Variants in TMOD3 observed in about 807,000 individuals in gnomAD.
TMOD3 encodes tropomodulin-3.
In TMOD3, 20 loss-of-function variants were observed where a neutral mutation model predicts 39.2. The observed-to-expected ratio is 0.51, with a 90% CI of 0.36 to 0.74. The LOEUF (loss-of-function observed/expected upper bound fraction) is 0.74. Ranked by LOEUF, TMOD3 falls within the 30% of genes least tolerant of loss-of-function variation. The pLI is 0.00. For synonymous variants in TMOD3, 143 were observed against 145.8 expected, an observed-to-expected ratio of 0.98 and a Z score of 0.14; for missense variants, 381 against 412.8, an observed-to-expected ratio of 0.92 and a Z score of 0.67.
chr15:51,895,885 G>A (rs2056618295), intron 6 of TMOD3, among the ~76,000 whole-genome samples: 1 of 152,168 alleles, frequency 6.6e-6, no homozygotes, highest in African/African-American at 2.4e-5. Context: ...GAGGAGGGTG[G>A]ATCACCTGAG....
At chr15:51,834,322 A>G (rs1313316782) in intron 1 of TMOD3, among the ~76,000 whole-genome samples, 1 of 152,138 alleles carries the variant, frequency 6.6e-6, no homozygotes, top group Admixed American at 6.5e-5. Flanking sequence ...TATTATGGCT[A>G]GTGTTTTTTG....
rs1466855849 is a variant in TMOD3, at chr15:51,915,346, CAT to C, written c.*6538_*6539del. 5 of 151,916 alleles carry C rather than the reference CAT, an allele frequency of 3.3e-5. No individual in the cohort carries two copies. The highest frequency in any genetic ancestry group is 2.6e-4 in the Admixed American group (4 of 15,258). 9.4% of individuals were successfully genotyped at this position (151,916 alleles called of 1,614,324 possible). A position where few individuals can be genotyped will look rare whatever the true frequency, so the allele number is the denominator to read the frequency against. On this transcript the variant is annotated 3_prime_UTR_variant, in exon 10 of 10. Transcript: ENST00000308580. The stretch of plus-strand genomic sequence containing the variant: ...TTTTCAAATGTATATACACGTATAA[CAT>C]AAAAATTTTTGTAATTTCAAATGTC...
intron 1 of TMOD3, among the ~76,000 whole-genome samples, chr15:51,857,074 C>T (rs1357210213): frequency 1.3e-5 from 2 of 152,098 alleles, no homozygotes; most frequent in Non-Finnish European, 1.5e-5. Flanking sequence ...AGTAGTATAG[C>T]TCTAAGCATC....
intron 3 of TMOD3, among the ~76,000 whole-genome samples, chr15:51,885,752 A>T (rs936568904): frequency 1.3e-5 from 2 of 152,184 alleles, no homozygotes; most frequent in South Asian, 4.1e-4. Context: ...CCCCTTTTGT[A>T]TTCGACAAAA....
intron 3 of TMOD3, 109 bp from the exon 4 acceptor site, chr15:51,887,480 T>G: frequency 8.8e-7 from 1 of 1,142,098 alleles, no homozygotes. Context: ...TTACTGTCGA[T>G]GTTAATCTTT....
chr15:51,859,796 C>T (rs1417513721), intron 1 of TMOD3: 3 of 506,266 alleles, frequency 5.9e-6, no homozygotes, highest in African/African-American at 5.9e-5. Flanking sequence ...AGTTCAGTCC[C>T]AGCTACTGCC....
chr15:51,841,867 T>TGG (rs982640538), intron 1 of TMOD3, among the ~76,000 whole-genome samples: 7 of 152,306 alleles, frequency 4.6e-5, no homozygotes, highest in South Asian at 2.1e-4. Flanking sequence ...CTTCCTGTGT[T>TGG]CAAGCGATTC....
intron 1 of TMOD3, among the ~76,000 whole-genome samples, chr15:51,851,732 T>G (rs2056362923): frequency 6.6e-6 from 1 of 152,194 alleles, no homozygotes. Flanking sequence ...TGAAATTGAC[T>G]TAGAAGTCAT....
chr15:51,889,346 A>G (rs887845290), intron 5 of TMOD3, among the ~76,000 whole-genome samples: 3 of 152,110 alleles, frequency 2.0e-5, no homozygotes, highest in Admixed American at 1.3e-4. Context: ...AGCAAATGTA[A>G]TAAGAACCAC....
At chr15:51,861,313 C>A in intron 1 of TMOD3, 1 of 278,198 alleles carries the variant, frequency 3.6e-6, no homozygotes, top group Admixed American at 3.9e-5. Context: ...CTCTACAACC[C>A]CATGGGAGCT....
rs1451424667 is a variant in TMOD3 at position 51,910,779 on chromosome 15, GT to G, written c.*1973del. ...TGTTTTGGTTTGTTTTGGTTTTTTG[GT>G]TTTGTTTTGTTTTGTTTTTTAAATC... On this transcript the variant is annotated 3_prime_UTR_variant, in exon 10 of 10. Transcript: ENST00000308580. The G allele has an allele frequency of 6.6e-6, 1 of 150,594 alleles. No individual in the cohort carries two copies. Among genetic ancestry groups the G allele is most frequent in the Admixed American group, 6.6e-5 (1 of 15,098 alleles). The allele number at this position is 150,594 out of a possible 1,614,324, so 9.3% of individuals were successfully genotyped here. A position where few individuals can be genotyped will look rare whatever the true frequency, so the allele number is the denominator to read the frequency against.
At chr15:51,884,111 A>C (rs1460267274) in intron 3 of TMOD3, among the ~76,000 whole-genome samples, 2 of 152,206 alleles carry the variant, frequency 1.3e-5, no homozygotes, top group Non-Finnish European at 2.9e-5. Context: ...TGGAAAAAAC[A>C]CTGAAGCCCT....
chr15:51,868,762 A>G (rs1221523391), intron 2 of TMOD3, among the ~76,000 whole-genome samples: 1 of 152,234 alleles, frequency 6.6e-6, no homozygotes, highest in Non-Finnish European at 1.5e-5. Context: ...ATCTGAAGTC[A>G]GGAATTCTAG....
At chr15:51,849,981 T>C (rs2056353364) in intron 1 of TMOD3, among the ~76,000 whole-genome samples, 1 of 151,450 alleles carries the variant, frequency 6.6e-6, no homozygotes. Context: ...CAGTTGGATT[T>C]AGCACTGTGC....
chr15:51,908,750 CAT>C, intron 9 of TMOD3, 24 bp from the exon 10 acceptor site: 7 of 1,577,012 alleles, frequency 4.4e-6, no homozygotes, highest in Non-Finnish European at 6.0e-6. Flanking sequence ...GGATTTCTAA[CAT>C]AGTTTCTTTT....
Position 51,832,186 on chromosome 15 carries a change from T to TA in TMOD3, c.-75+2357dup, listed in dbSNP as rs1189614215. Among the ~76,000 whole-genome samples the TA allele has an allele frequency of 2.8e-4, 37 of 130,070 alleles. No individual in the cohort carries two copies. The East Asian group carries it at 7.7e-3, about 27-fold the overall frequency. The allele number at this position is 130,070 out of a possible 152,430, so 85.3% of individuals were successfully genotyped here. On this transcript the variant is annotated intron_variant, in intron 1 of 9. Transcript: ENST00000308580. Reference sequence around the variant, plus strand: ...GTGACAGAGTAAGACCCTGTCTCTCTAAAAAAAGAAAAAAAATTATATATA... The same window carrying TA: ...GTGACAGAGTAAGACCCTGTCTCTCTAAAAAAAAGAAAAAAAATTATATATA...
At chr15:51,875,893 C>T (rs1691373006) in intron 3 of TMOD3, among the ~76,000 whole-genome samples, 6 of 152,134 alleles carry the variant, frequency 3.9e-5, no homozygotes. Flanking sequence ...GCTGGGATTA[C>T]AGGTGTGAGC....
chr15:51,905,921 G>T (rs1011869847), intron 9 of TMOD3, among the ~76,000 whole-genome samples: 1 of 129,776 alleles, frequency 7.7e-6, no homozygotes, highest in African/African-American at 3.2e-5. Context: ...TCCGCAGTCC[G>T]GCCTGGGCAA....
intron 3 of TMOD3, among the ~76,000 whole-genome samples, chr15:51,877,734 G>A (rs2056512230): frequency 6.6e-6 from 1 of 151,908 alleles, no homozygotes; most frequent in Non-Finnish European, 1.5e-5. Flanking sequence ...TTCAGTCTAG[G>A]GCTAATTATT....
Sources: allele counts gnomAD v4.1 joint callset (sites outside exome capture counted in the v4.1 genomes callset), GRCh38; gene constraint gnomAD v4.1.1; transcripts MANE v1.5; gene names NCBI Gene and HGNC (gene_info 2026-07-23, HGNC 2026-07-21).